The following SDHAF3 variants were observed in gnomAD, a reference collection of about 807,000 sequenced individuals.
The protein encoded by SDHAF3 is succinate dehydrogenase complex assembly factor 3, also known as succinate dehydrogenase assembly factor 3, mitochondrial.
Under a neutral mutation model 11.5 loss-of-function variants are expected in SDHAF3, and 18 were observed. The observed-to-expected ratio is 1.56, with a 90% CI of 1.08 to 2.32. The LOEUF is 2.32. Ranked by LOEUF, SDHAF3 falls within the 30% of genes most tolerant of loss-of-function variation. SDHAF3 has a pLI of 0.00. For missense variants in SDHAF3, 200 were observed against 154.4 expected, an observed-to-expected ratio of 1.30 and a Z score of -1.57; for synonymous variants, 72 against 59.3, an observed-to-expected ratio of 1.21 and a Z score of -0.99.
At chr7:97,124,835 C>G (rs542241655) in intron 1 of SDHAF3, among the ~76,000 whole-genome samples, 63 of 152,232 alleles carry the variant, frequency 4.1e-4, no homozygotes, top group Non-Finnish European at 7.4e-4. Context: ...GTGATTTTTG[C>G]ACATTGATTT....
chr7:97,153,355 A>G (rs570651512), intron 1 of SDHAF3, among the ~76,000 whole-genome samples: 1 of 152,252 alleles, frequency 6.6e-6, no homozygotes, highest in South Asian at 2.1e-4. Flanking sequence ...TATGCGTTTA[A>G]GTTTCCTATG....
At chr7:97,179,480 T>G (rs9719313) in intron 1 of SDHAF3, among the ~76,000 whole-genome samples, 116,081 of 141,102 alleles carry the variant, frequency 0.82, 45,646 homozygotes, top group East Asian at 0.88. Context: ...TTCCATTTTT[T>G]TTTTTTTTTT....
At chr7:97,173,151 C>G (rs1024125551) in intron 1 of SDHAF3, among the ~76,000 whole-genome samples, 3 of 152,200 alleles carry the variant, frequency 2.0e-5, no homozygotes, top group East Asian at 1.9e-4. Flanking sequence ...TGCCTGCTTC[C>G]TAGCAGGCTG....
intron 1 of SDHAF3, among the ~76,000 whole-genome samples, chr7:97,139,916 G>A (rs889649149): frequency 4.6e-5 from 7 of 152,116 alleles, no homozygotes; most frequent in African/African-American, 1.7e-4. Flanking sequence ...GTTATTTCAT[G>A]AATAATCTTG....
intron 1 of SDHAF3, among the ~76,000 whole-genome samples, chr7:97,127,829 CATT>C (rs1209790390): frequency 2.6e-5 from 4 of 150,970 alleles, no homozygotes; most frequent in African/African-American, 4.9e-5. Flanking sequence ...GCATTTTACT[CATT>C]GTCGGTGTTT....
intron 1 of SDHAF3, among the ~76,000 whole-genome samples, chr7:97,167,776 A>C (rs2115732228): frequency 6.6e-6 from 1 of 152,264 alleles, no homozygotes; most frequent in Non-Finnish European, 1.5e-5. Flanking sequence ...CAGTTTATCG[A>C]TCTGGGTGGT....
chr7:97,153,397 G>C (rs1306518770), intron 1 of SDHAF3, among the ~76,000 whole-genome samples: 1 of 152,066 alleles, frequency 6.6e-6, no homozygotes, highest in Non-Finnish European at 1.5e-5. Flanking sequence ...TTTCTTTTTA[G>C]CTCTGATAAA....
chr7:97,161,703 G>T (rs1285167287), intron 1 of SDHAF3, among the ~76,000 whole-genome samples: 1 of 151,986 alleles, frequency 6.6e-6, no homozygotes, highest in Non-Finnish European at 1.5e-5. Context: ...TTCTGTTCTT[G>T]TGATAGTTTG....
intron 1 of SDHAF3, among the ~76,000 whole-genome samples, chr7:97,124,030 C>T (rs773608873): frequency 7.9e-5 from 12 of 152,058 alleles, no homozygotes; most frequent in African/African-American, 1.2e-4. Context: ...TTTTGGCTTT[C>T]GTTGCCATTG....
intron 1 of SDHAF3, among the ~76,000 whole-genome samples, chr7:97,130,270 T>TAAAA (rs11410661): frequency 8.1e-6 from 1 of 122,776 alleles, no homozygotes. Flanking sequence ...ATACCCAGTC[T>TAAAA]AAAAAAAAAA....
intron 1 of SDHAF3, among the ~76,000 whole-genome samples, chr7:97,173,844 A>G (rs1789641445): frequency 6.6e-6 from 1 of 151,416 alleles, no homozygotes; most frequent in African/African-American, 2.4e-5. Flanking sequence ...GAGCCACCAC[A>G]CCTGGCCAAA....
At chr7:97,165,582 C>T (rs1789490633) in intron 1 of SDHAF3, among the ~76,000 whole-genome samples, 1 of 151,992 alleles carries the variant, frequency 6.6e-6, no homozygotes, top group Non-Finnish European at 1.5e-5. Context: ...TCCAAATAAT[C>T]ATGTTTATAC....
intron 1 of SDHAF3, among the ~76,000 whole-genome samples, chr7:97,177,367 TG>T (rs1789693479): frequency 6.6e-6 from 1 of 151,868 alleles, no homozygotes; most frequent in South Asian, 2.1e-4. Flanking sequence ...CTGGGCGTGA[TG>T]GTGGGCATCT....
intron 1 of SDHAF3, 106 bp downstream of exon 1, chr7:97,118,003 C>T: frequency 7.3e-7 from 1 of 1,365,676 alleles, no homozygotes; most frequent in Non-Finnish European, 1.0e-6. Flanking sequence ...GCAACCTGTT[C>T]TGTTTGAAAT....
chr7:97,165,729 G>C (rs10229181), intron 1 of SDHAF3, among the ~76,000 whole-genome samples: 53,934 of 152,110 alleles, frequency 0.35, 9,651 homozygotes, highest in East Asian at 0.49. Context: ...AATATGCAGA[G>C]TGCAAGGCTA....
intron 1 of SDHAF3, among the ~76,000 whole-genome samples, chr7:97,164,665 G>T (rs992159808): frequency 6.6e-6 from 1 of 152,142 alleles, no homozygotes; most frequent in African/African-American, 2.4e-5. Context: ...GTGAGCCAGC[G>T]TGCCTTTCCG....
At chr7:97,143,743 G>T (rs996716178) in intron 1 of SDHAF3, among the ~76,000 whole-genome samples, 3 of 151,776 alleles carry the variant, frequency 2.0e-5, no homozygotes, top group African/African-American at 7.3e-5. Flanking sequence ...GGGCATTTGG[G>T]TTGGTTCCAC....
chr7:97,127,278 C>G (rs1463162568), intron 1 of SDHAF3, among the ~76,000 whole-genome samples: 1 of 152,204 alleles, frequency 6.6e-6, no homozygotes, highest in East Asian at 1.9e-4. Flanking sequence ...AATCCATTTT[C>G]TTTTTCTTCT....
At chr7:97,144,177 G>A (rs1789101982) in intron 1 of SDHAF3, among the ~76,000 whole-genome samples, 3 of 150,212 alleles carry the variant, frequency 2.0e-5, no homozygotes, top group African/African-American at 7.3e-5. Context: ...CTTTTTGATG[G>A]GATTGTTTGT....
Sources: allele counts gnomAD v4.1 joint callset (sites outside exome capture counted in the v4.1 genomes callset), GRCh38; gene constraint gnomAD v4.1.1; transcripts MANE v1.5; gene names NCBI Gene and HGNC (gene_info 2026-07-23, HGNC 2026-07-21).